The following ZNF407 variants were observed in gnomAD, a reference collection of about 807,000 sequenced individuals.
The protein encoded by ZNF407 is zinc finger protein 407.
Under a neutral mutation model 131.2 loss-of-function variants are expected in ZNF407, and 17 were observed. The observed-to-expected ratio is 0.13, with a 90% CI of 0.09 to 0.19. ZNF407 has a LOEUF of 0.19. Ranked by LOEUF, ZNF407 falls within the 10% of genes least tolerant of loss-of-function variation. ZNF407 has a pLI of 1.00. For synonymous variants in ZNF407, 1,156 were observed against 1,062.0 expected, an observed-to-expected ratio of 1.09 and a Z score of -1.72; for missense variants, 2,681 against 2,830.6, an observed-to-expected ratio of 0.95 and a Z score of 1.20.
At chr18:74,979,925 A>G (rs1468260085) in intron 8 of ZNF407, among the ~76,000 whole-genome samples, 4 of 152,110 alleles carry the variant, frequency 2.6e-5, no homozygotes, top group Non-Finnish European at 4.4e-5. Context: ...TTTTTAATGT[A>G]TTTTGTTCAA....
chr18:74,968,373 T>C, intron 8 of ZNF407, among the ~76,000 whole-genome samples: 1 of 152,228 alleles, frequency 6.6e-6, no homozygotes, highest in East Asian at 1.9e-4. Context: ...AGGAGGACAG[T>C]GGGCCCCCAT....
intron 4 of ZNF407, among the ~76,000 whole-genome samples, chr18:74,860,559 C>A (rs1021671118): frequency 4.0e-5 from 6 of 151,314 alleles, no homozygotes; most frequent in African/African-American, 1.5e-4. Flanking sequence ...TCAGCAAGTT[C>A]ATAATATTTA....
intron 3 of ZNF407, among the ~76,000 whole-genome samples, chr18:74,721,426 A>C (rs1180653434): frequency 6.6e-6 from 1 of 152,126 alleles, no homozygotes; most frequent in Non-Finnish European, 1.5e-5. Flanking sequence ...GTGGCGTCCA[A>C]ATTGAAAAGG....
chr18:74,600,869 A>T (rs977086159), intron 1 of ZNF407, among the ~76,000 whole-genome samples: 1 of 152,224 alleles, frequency 6.6e-6, no homozygotes, highest in Non-Finnish European at 1.5e-5. Flanking sequence ...GCATAGTGAC[A>T]TGTACACCCT....
intron 1 of ZNF407, among the ~76,000 whole-genome samples, chr18:74,613,577 G>A (rs1983156617): frequency 6.6e-6 from 1 of 152,210 alleles, no homozygotes; most frequent in Admixed American, 6.5e-5. Context: ...TCTGTGGCAA[G>A]GATGCCTGCA....
At chr18:74,769,728 A>G (rs918733692) in intron 3 of ZNF407, among the ~76,000 whole-genome samples, 1 of 152,248 alleles carries the variant, frequency 6.6e-6, no homozygotes, top group Non-Finnish European at 1.5e-5. Context: ...CGCCTAGACT[A>G]GATGCGGGTT....
intron 3 of ZNF407, among the ~76,000 whole-genome samples, chr18:74,712,233 G>A (rs1285684602): frequency 6.6e-6 from 1 of 152,126 alleles, no homozygotes; most frequent in East Asian, 1.9e-4. Context: ...GAAGTCTTGG[G>A]TTCATGTCCT....
chr18:74,650,620 G>A (rs902075485), intron 3 of ZNF407, among the ~76,000 whole-genome samples: 3 of 152,056 alleles, frequency 2.0e-5, no homozygotes, highest in African/African-American at 7.2e-5. Context: ...GTATGAAACA[G>A]GCAAACTCAC....
At position 75,018,940 on chromosome 18, in the gene ZNF407, A is replaced by G. The variant is rs557081186; in HGVS notation, c.5429-44210A>G. Among the ~76,000 whole-genome samples, 4 of 152,216 alleles carry G rather than the reference A, an allele frequency of 2.6e-5. No individual in the cohort carries two copies. The South Asian group carries it at 6.2e-4, about 24-fold the overall frequency. On this transcript the variant is annotated intron_variant, in intron 8 of 8. Transcript: ENST00000299687. ...CTTTAACTGCTCTCCATTATTTTCT[A>G]TTACCAGTTTCATAAACCCCACTTA...
At chr18:75,052,536 G>A (rs1455922325) in intron 8 of ZNF407, among the ~76,000 whole-genome samples, 2 of 152,166 alleles carry the variant, frequency 1.3e-5, no homozygotes, top group Non-Finnish European at 2.9e-5. Flanking sequence ...GGGAAGTTCC[G>A]GCAGAAGAAG....
At chr18:74,920,377 T>C in intron 7 of ZNF407, 137 bp from the exon 8 acceptor site, 1 of 627,152 alleles carries the variant, frequency 1.6e-6, no homozygotes, top group Non-Finnish European at 2.4e-6. Flanking sequence ...ATGTATTATA[T>C]AAGCTAATTA....
At chr18:74,628,929 C>T (rs1044014102) in intron 1 of ZNF407, among the ~76,000 whole-genome samples, 18 of 152,030 alleles carry the variant, frequency 1.2e-4, no homozygotes, top group Admixed American at 7.2e-4. Context: ...GTGTGGATAC[C>T]GCATTTTCTT....
rs1441348609 is a variant in ZNF407, at chr18:74,865,808, C to T, written c.4878-11389C>T. ...AAATTTCTTTTGTAGTGAAAGTACG[C>T]TAAATTAATATGTAATTGCTTGCTC... On this transcript the variant is annotated intron_variant, in intron 4 of 8. Transcript: ENST00000299687. 6.6e-5 allele frequency among the ~76,000 whole-genome samples: 10 copies of T among 152,300 alleles called. No individual in the cohort carries two copies. The East Asian group carries it at 1.7e-3, about 26-fold the overall frequency.
chr18:74,764,453 C>T (rs1292453346), intron 3 of ZNF407, among the ~76,000 whole-genome samples: 2 of 152,130 alleles, frequency 1.3e-5, no homozygotes, highest in Admixed American at 6.5e-5. Context: ...TCTCTACAGT[C>T]GATCCTCTGT....
chr18:74,970,860 C>T (rs1051145873), intron 8 of ZNF407, among the ~76,000 whole-genome samples: 16 of 152,266 alleles, frequency 1.1e-4, no homozygotes, highest in Non-Finnish European at 1.5e-4. Flanking sequence ...TTTCTTTGCA[C>T]GCTGCCCTAG....
chr18:74,875,381 A>G (rs1938004359), intron 4 of ZNF407, among the ~76,000 whole-genome samples: 1 of 152,220 alleles, frequency 6.6e-6, no homozygotes, highest in South Asian at 2.1e-4. Flanking sequence ...TTGAGGTTTC[A>G]TAGATGTAAT....
chr18:74,648,714 A>G (rs1336820787), intron 3 of ZNF407, among the ~76,000 whole-genome samples: 1 of 152,228 alleles, frequency 6.6e-6, no homozygotes, highest in Non-Finnish European at 1.5e-5. Context: ...CCAAATAATA[A>G]TTAAGAGGAC....
chr18:74,780,975 T>G (rs1199502194), intron 3 of ZNF407, among the ~76,000 whole-genome samples: 1 of 152,196 alleles, frequency 6.6e-6, no homozygotes, highest in Non-Finnish European at 1.5e-5. Context: ...TCTCTTCAAG[T>G]TATTACCATG....
At chr18:74,665,395 C>G (rs1490306658) in intron 3 of ZNF407, among the ~76,000 whole-genome samples, 1 of 152,154 alleles carries the variant, frequency 6.6e-6, no homozygotes, top group African/African-American at 2.4e-5. Context: ...TATCTGTGTC[C>G]TTGGCTGAGA....
Sources: gnomAD v4.1 joint callset for allele counts (sites outside exome capture counted in the v4.1 genomes callset) on GRCh38, gnomAD v4.1.1 for gene constraint, MANE v1.5 for transcripts, NCBI Gene and HGNC (gene_info 2026-07-23, HGNC 2026-07-21) for gene names.